Variants in DMD observed in about 807,000 individuals in gnomAD.
DMD encodes the protein dystrophin, also known as mutant dystrophin.
In DMD, 63 loss-of-function variants were observed where a neutral mutation model predicts 330.1. The observed-to-expected ratio is 0.19, with a 90% confidence interval of 0.16 to 0.24. The LOEUF is 0.24. Ranked by LOEUF, DMD falls within the 10% of genes least tolerant of loss-of-function variation. DMD has a pLI of 1.00. For missense variants in DMD, 3,344 were observed against 2,684.1 expected, an observed-to-expected ratio of 1.25 and a Z score of -5.43; for synonymous variants, 1,223 against 959.8, an observed-to-expected ratio of 1.27 and a Z score of -5.07.
chrX:31,547,460 T>C (rs1421652451), intron 55 of DMD, among the ~76,000 whole-genome samples: 4 of 112,277 alleles, frequency 3.6e-5, no homozygotes, highest in Non-Finnish European at 7.5e-5. Flanking sequence ...AAACAAATTC[T>C]GAAACAGAAG....
chrX:32,655,268 G>T (rs946291308), intron 9 of DMD, among the ~76,000 whole-genome samples: 6 of 111,814 alleles, frequency 5.4e-5, no homozygotes, highest in Non-Finnish European at 9.4e-5. Context: ...TTCTCTTGTG[G>T]GCATTCAGTG....
In DMD at chrX:32,664,400, G is replaced by C. The variant is rs373343658; in HGVS notation, c.961-19248C>G. Among the ~76,000 whole-genome samples the C allele has an allele frequency of 9.6e-3, 1,047 of 109,449 alleles. 20 individuals carry two copies. The highest frequency in any genetic ancestry group is 0.032 in the African/African-American group (952 of 29,917). Reference sequence around the variant, plus strand: ...GGGACTACAGGCACCTGCCACCACGGCCGGCAAATTTTTTGTATTTTTAGT... The same window carrying C: ...GGGACTACAGGCACCTGCCACCACGCCCGGCAAATTTTTTGTATTTTTAGT... On this transcript the variant is annotated intron_variant, in intron 9 of 78. Coordinates refer to ENST00000357033, the MANE Select transcript of DMD (RefSeq NM_004006.3).
intron 12 of DMD, among the ~76,000 whole-genome samples, chrX:32,605,581 CA>C (rs200645650): frequency 4.6e-5 from 5 of 108,681 alleles, no homozygotes; most frequent in Non-Finnish European, 9.7e-5. Context: ...AACAAACAAA[CA>C]AAAAAACAAA....
At chrX:32,712,369 G>C (rs1021635551) in intron 7 of DMD, among the ~76,000 whole-genome samples, 3 of 111,393 alleles carry the variant, frequency 2.7e-5, no homozygotes, top group African/African-American at 9.8e-5. Flanking sequence ...TTACACATTT[G>C]TCGTAGATAT....
rs752968752 is a variant in DMD, at chrX:31,624,577, G to GT, written c.8217+3095dup. 2.9e-3 allele frequency among the ~76,000 whole-genome samples: 330 copies of GT among 112,123 alleles called. 2 individuals carry two copies. Among genetic ancestry groups the GT allele is most frequent in the Non-Finnish European group, 4.9e-3 (259 of 53,145 alleles). Reference sequence around the variant, plus strand: ...TTAGAGAAAAACACATTTTGTGAAGGTTTTCACCCTCTCTCTTCATTCACT... The same window carrying GT: ...TTAGAGAAAAACACATTTTGTGAAGGTTTTTCACCCTCTCTCTTCATTCACT... On this transcript the variant is annotated intron_variant, in intron 55 of 78. Transcript: ENST00000357033.
intron 11 of DMD, among the ~76,000 whole-genome samples, chrX:32,640,258 CT>C (rs2059366086): frequency 9.3e-6 from 1 of 107,674 alleles, no homozygotes; most frequent in African/African-American, 3.4e-5. Flanking sequence ...CACAAACTAA[CT>C]TTTTATACCC....
chrX:31,584,575 G>T (rs1007111651), intron 55 of DMD, among the ~76,000 whole-genome samples: 1 of 111,835 alleles, frequency 8.9e-6, no homozygotes, highest in African/African-American at 3.3e-5. Flanking sequence ...ATGCCCATCA[G>T]TGATAGACTG....
In DMD at chrX:33,031,169, G is replaced by A. The variant is rs143090151; in HGVS notation, c.32-10969C>T. Among the ~76,000 whole-genome samples the A allele has an allele frequency of 8.2e-3, 906 of 111,084 alleles. 12 individuals are homozygous for A. Among genetic ancestry groups the A allele is most frequent in the African/African-American group, 0.029 (870 of 30,485 alleles). On this transcript the variant is annotated intron_variant, in intron 1 of 78. Transcript: ENST00000357033. ...AGCATCCACATCTCTCTGTTTCTTT[G>A]TGTTAAGGCTTTCTTCAGTTTAGGA...
intron 60 of DMD, among the ~76,000 whole-genome samples, chrX:31,371,864 T>C (rs1253331020): frequency 8.9e-6 from 1 of 112,472 alleles, no homozygotes; most frequent in African/African-American, 3.2e-5. Context: ...GTACTGAAGT[T>C]GGACTGCCTG....
chrX:31,932,694 C>G (rs1488554670), intron 45 of DMD, among the ~76,000 whole-genome samples: 1 of 111,830 alleles, frequency 8.9e-6, no homozygotes, highest in South Asian at 3.7e-4. Flanking sequence ...TGCAGTAAGC[C>G]GAGATCGTGC....
At chrX:31,497,508 T>G (rs1457427311) in intron 56 of DMD, among the ~76,000 whole-genome samples, 1 of 111,788 alleles carries the variant, frequency 8.9e-6, no homozygotes, top group Non-Finnish European at 1.9e-5. Context: ...TTCACCAAGT[T>G]TCAACATTTT....
At chrX:32,701,398 AAAG>A (rs2064119760) in intron 7 of DMD, among the ~76,000 whole-genome samples, 1 of 112,237 alleles carries the variant, frequency 8.9e-6, no homozygotes, top group Admixed American at 9.5e-5. Flanking sequence ...AGTACTTTTT[AAAG>A]AAGAACTAAA....
chrX:32,777,277 T>TGGGGGGGGGGGGGGTAGGG (rs546914107), intron 7 of DMD, among the ~76,000 whole-genome samples: 1 of 2,111 alleles, frequency 4.7e-4, no homozygotes, highest in Non-Finnish European at 7.0e-4. Context: ...GGTTTCTGGT[T>TGGGGGGGGGGGGGGTAGGG]GGGGGGGGAA....
Position 31,569,634 on chromosome X carries a change from A to G in DMD, c.8217+58039T>C, listed in dbSNP as rs759214578. ...TATACGTATATATACGTATATACGT[A>G]TATATATGTATATACGTATATATAC... On this transcript the variant is annotated intron_variant, in intron 55 of 78. Transcript: ENST00000357033. Among the ~76,000 whole-genome samples, 60 of 98,799 alleles carry G rather than the reference A, an allele frequency of 6.1e-4. 1 individual carries two copies. Among genetic ancestry groups the G allele is most frequent in the African/African-American group, 2.1e-3 (56 of 26,269 alleles). The allele number at this position is 98,799 out of a possible 115,157, so 85.8% of individuals were successfully genotyped here. A position where few individuals can be genotyped will look rare whatever the true frequency, so the allele number is the denominator to read the frequency against.
chrX:32,107,576 A>G (rs753089855), intron 44 of DMD, among the ~76,000 whole-genome samples: 1 of 110,425 alleles, frequency 9.1e-6, no homozygotes, highest in Admixed American at 9.7e-5. Context: ...GGCAGGAAAA[A>G]GCCCATGTCC....
intron 5 of DMD, among the ~76,000 whole-genome samples, chrX:32,817,189 C>T (rs1314968497): frequency 9.0e-6 from 1 of 110,958 alleles, no homozygotes; most frequent in Non-Finnish European, 1.9e-5. Flanking sequence ...AGATAAAACC[C>T]CTGATTTCAT....
intron 54 of DMD, among the ~76,000 whole-genome samples, chrX:31,644,231 G>C (rs1269795263): frequency 9.0e-6 from 1 of 111,689 alleles, no homozygotes; most frequent in Non-Finnish European, 1.9e-5. Context: ...AATAAAAGTA[G>C]AAAAGACTTA....
chrX:32,448,344 A>C, intron 27 of DMD, 112 bp downstream of exon 27: 3 of 837,607 alleles, frequency 3.6e-6, no homozygotes, highest in Non-Finnish European at 5.3e-6. Flanking sequence ...TGCCTGAATG[A>C]GGAATTCAAG....
intron 7 of DMD, among the ~76,000 whole-genome samples, chrX:32,788,927 G>C (rs1337834432): frequency 1.8e-5 from 2 of 111,693 alleles, no homozygotes. Flanking sequence ...ACAAACCTCA[G>C]ATAGCAGAAC....
Sources: allele counts gnomAD v4.1 joint callset (sites outside exome capture counted in the v4.1 genomes callset), GRCh38; gene constraint gnomAD v4.1.1; transcripts MANE v1.5; gene names NCBI Gene and HGNC (gene_info 2026-07-23, HGNC 2026-07-21).